Variants in DYRK1A observed in about 807,000 individuals in gnomAD.
DYRK1A encodes dual specificity tyrosine-phosphorylation-regulated kinase 1A.
In DYRK1A, 9 loss-of-function variants were observed where a neutral mutation model predicts 79.7. The ratio of observed to expected loss-of-function variants is 0.11; its 90% CI spans 0.07 to 0.20. The LOEUF (loss-of-function observed/expected upper bound fraction) is 0.20, where lower values mean the gene tolerates loss of function less well. Among genes scored for constraint, DYRK1A ranks in the 10% least tolerant of loss-of-function variants. DYRK1A has a pLI of 1.00. For missense variants in DYRK1A, 622 were observed against 956.0 expected, an observed-to-expected ratio of 0.65 and a Z score of 4.61; for synonymous variants, 349 against 329.7, an observed-to-expected ratio of 1.06 and a Z score of -0.63.
At chr21:37,439,751 A>C (rs2051035174) in intron 2 of DYRK1A, among the ~76,000 whole-genome samples, 1 of 152,232 alleles carries the variant, frequency 6.6e-6, no homozygotes. Flanking sequence ...CTGCTTTATC[A>C]GATTGGGAAA....
Position 37,481,013 on chromosome 21 carries a change from C to G in DYRK1A, c.489+187C>G, listed in dbSNP as rs527406838. 3.0e-5 allele frequency: 15 copies of G among 500,600 alleles called. No homozygotes were observed. In the South Asian group the frequency reaches 4.1e-4, roughly 14 times the overall value. 31.0% of individuals were successfully genotyped at this position (500,600 alleles called of 1,614,324 possible). A position where few individuals can be genotyped will look rare whatever the true frequency, so the allele number is the denominator to read the frequency against. On this transcript the variant is annotated intron_variant, in intron 5 of 11. Transcript: ENST00000647188. ...GATACTGCATCAGTAATATAAACTC[C>G]TTAGACTTCTAAAAACTTTTATGGC...
intron 2 of DYRK1A, chr21:37,456,427 ACTT>A (rs2051638450): frequency 6.6e-6 from 1 of 151,994 alleles, no homozygotes; most frequent in Non-Finnish European, 1.5e-5. Context: ...TTTTTCCTGG[ACTT>A]CTTACTTAAT....
intron 2 of DYRK1A, among the ~76,000 whole-genome samples, chr21:37,458,151 C>T (rs1412127539): frequency 6.6e-6 from 1 of 152,114 alleles, no homozygotes; most frequent in Non-Finnish European, 1.5e-5. Context: ...TGTGTTGTGC[C>T]ATTCCCCCTC....
At chr21:37,467,317 C>G (rs1049800861) in intron 2 of DYRK1A, among the ~76,000 whole-genome samples, 1 of 152,182 alleles carries the variant, frequency 6.6e-6, no homozygotes, top group Non-Finnish European at 1.5e-5. Flanking sequence ...GCACCCTCCT[C>G]CTCCTGGGCC....
chr21:37,522,765 G>A lies in DYRK1A; in HGVS notation c.*10234G>A, dbSNP rs1288549307. On this transcript the variant is annotated 3_prime_UTR_variant, in exon 12 of 12. Transcript: ENST00000647188. Reference sequence around the variant, plus strand: ...CTCTGAAGAATCAAGTCTGAGTGATGCAATGCTGCTTCCTCCTTCCTTCTC... The same window carrying A: ...CTCTGAAGAATCAAGTCTGAGTGATACAATGCTGCTTCCTCCTTCCTTCTC... 6.6e-6 allele frequency: 1 copy of A among 152,254 alleles called. No individual in the cohort carries two copies. The highest frequency in any genetic ancestry group is 1.5e-5 in the Non-Finnish European group (1 of 68,070). 9.4% of individuals were successfully genotyped at this position (152,254 alleles called of 1,614,324 possible).
intron 2 of DYRK1A, among the ~76,000 whole-genome samples, chr21:37,464,945 A>G (rs2051974446): frequency 2.0e-5 from 3 of 152,238 alleles, no homozygotes; most frequent in Admixed American, 2.0e-4. Context: ...GTCCCCTTGG[A>G]ATCTTATCAT....
intron 2 of DYRK1A, among the ~76,000 whole-genome samples, chr21:37,422,474 G>T (rs1474087392): frequency 6.6e-6 from 1 of 152,156 alleles, no homozygotes; most frequent in Non-Finnish European, 1.5e-5. Context: ...CAAGTGGTCT[G>T]CTTTCTCTGG....
At chr21:37,478,072 T>C in intron 3 of DYRK1A, 136 bp from the exon 4 acceptor site, 1 of 1,155,840 alleles carries the variant, frequency 8.7e-7, no homozygotes, top group Non-Finnish European at 1.2e-6. Context: ...AGAGAGAATG[T>C]ATAATCATCT....
At chr21:37,415,279 A>G (rs749041473) in intron 1 of DYRK1A, among the ~76,000 whole-genome samples, 1 of 152,158 alleles carries the variant, frequency 6.6e-6, no homozygotes, top group African/African-American at 2.4e-5. Context: ...GAGAAAGCAC[A>G]TGCTTCTAGC....
intron 2 of DYRK1A, among the ~76,000 whole-genome samples, chr21:37,432,909 G>A (rs2050816301): frequency 6.6e-6 from 1 of 151,112 alleles, no homozygotes. Flanking sequence ...CCAGGAGGCG[G>A]AAGTTGCAGT....
At chr21:37,384,797 A>G (rs574917241) in intron 1 of DYRK1A, among the ~76,000 whole-genome samples, 1 of 152,306 alleles carries the variant, frequency 6.6e-6, no homozygotes, top group East Asian at 1.9e-4. Flanking sequence ...AAGGTATACA[A>G]AAGACCCAGA....
rs139832556 is a variant in DYRK1A at position 37,412,880 on chromosome 21, T to A, written c.-76-7419T>A. The stretch of plus-strand genomic sequence containing the variant: ...ACCCAACAGCTTGTTAGACTAGATA[T>A]TGAGTGAAAAGTTTGAGTGGAGAAG... On this transcript the variant is annotated intron_variant, in intron 1 of 11. Coordinates refer to ENST00000647188, the MANE Select transcript of DYRK1A (RefSeq NM_001347721.2). Among the ~76,000 whole-genome samples the A allele has an allele frequency of 4.4e-3, 664 of 152,192 alleles. 7 individuals are homozygous for A. The highest frequency in any genetic ancestry group is 5.2e-3 in the Non-Finnish European group (353 of 68,002).
intron 11 of DYRK1A, among the ~76,000 whole-genome samples, chr21:37,507,128 C>T (rs911346288): frequency 6.6e-6 from 1 of 152,194 alleles, no homozygotes; most frequent in Admixed American, 6.5e-5. Flanking sequence ...AGTCTTCAGA[C>T]AGGAACTCTC....
chr21:37,445,243 A>C (rs994355352), intron 2 of DYRK1A, among the ~76,000 whole-genome samples: 2 of 152,244 alleles, frequency 1.3e-5, no homozygotes, highest in African/African-American at 4.8e-5. Context: ...AAGAGTAAAC[A>C]CGAATATAGG....
intron 2 of DYRK1A, among the ~76,000 whole-genome samples, chr21:37,423,248 ATTCTTCTCTTCCGAGCTCC>A (rs2050524965): frequency 6.6e-6 from 1 of 152,006 alleles, no homozygotes; most frequent in African/African-American, 2.4e-5. Context: ...TCTGCATCCC[ATTCTTCTCTTCCGAGCTCC>A]ACACTCAGGT....
intron 2 of DYRK1A, among the ~76,000 whole-genome samples, chr21:37,420,919 T>G (rs1194284136): frequency 1.3e-5 from 2 of 152,126 alleles, no homozygotes; most frequent in African/African-American, 4.8e-5. Context: ...CTTTTGTCAT[T>G]TGTATTTTTA....
intron 1 of DYRK1A, among the ~76,000 whole-genome samples, chr21:37,371,236 T>C (rs1346563036): frequency 6.6e-6 from 1 of 152,212 alleles, no homozygotes; most frequent in African/African-American, 2.4e-5. Flanking sequence ...AATGTAGACT[T>C]CATGTGACTA....
At chr21:37,417,539 T>TCTTTTTCTTTTTCTTTTTCTTTTTC (rs1256835886) in intron 1 of DYRK1A, among the ~76,000 whole-genome samples, 1 of 109,490 alleles carries the variant, frequency 9.1e-6, no homozygotes, top group Non-Finnish European at 2.0e-5. Context: ...CTTTTTTTTT[T>TCTTTTTCTTTTTCTTTTTCTTTTTC]TTTTTTTTTT....
In DYRK1A at chr21:37,490,308, G is replaced by A. The variant is rs774148181; in HGVS notation, c.771G>A (p.Ala257=). 25 of 1,613,594 alleles carry A rather than the reference G, an allele frequency of 1.5e-5. No individual in the cohort carries two copies. The highest frequency in any genetic ancestry group is 2.2e-5 in the East Asian group (1 of 44,850). The change falls in exon 7 of 12, where the codon GCG becomes GCA. Residue 257 remains alanine, a synonymous_variant. Transcript: ENST00000647188. The stretch of plus-strand genomic sequence containing the variant: ...CTTTGAACCTAACACGAAAGTTTGC[G>A]CAACAGATGTGCACTGCACTGCTTT... The part of the protein sequence containing the change: ...GVSLNLTRKF[A]QQMCTALLFL...
Sources: gnomAD v4.1 joint callset for allele counts (sites outside exome capture counted in the v4.1 genomes callset) on GRCh38, gnomAD v4.1.1 for gene constraint, MANE v1.5 for transcripts, NCBI Gene and HGNC (gene_info 2026-07-23, HGNC 2026-07-21) for gene names.